Variants in ADAM8 observed in about 807,000 individuals in gnomAD.
The protein encoded by ADAM8 is disintegrin and metalloproteinase domain-containing protein 8.
A neutral mutation model predicts 102.4 loss-of-function variants in ADAM8; 104 were observed. That is an observed-to-expected ratio of 1.02 (90% confidence interval 0.87 to 1.20). ADAM8 has a LOEUF of 1.20. Among genes scored for constraint, ADAM8 ranks in the 50% most tolerant of loss-of-function variants. ADAM8 has a pLI of 0.00. For missense variants in ADAM8, 1,132 were observed against 1,159.0 expected (o/e 0.98, Z 0.34); for synonymous variants, 517 against 485.2 (o/e 1.07, Z -0.86).
chr10:133,273,618 C>T, intron 5 of ADAM8, 144 bp downstream of exon 5: 1 of 1,277,988 alleles, frequency 7.8e-7, no homozygotes, highest in Non-Finnish European at 1.1e-6. Context: ...GGCTTGGCGT[C>T]CCCTGAGCAG....
Position 133,272,435 on chromosome 10 carries a change from C to T in ADAM8, c.856G>A (p.Asp286Asn), listed in dbSNP as rs1341370555. 1 of 1,584,394 alleles carries T rather than the reference C, an allele frequency of 6.3e-7. No individual in the cohort carries two copies. Among genetic ancestry groups the T allele is most frequent in the African/African-American group, 1.4e-5 (1 of 73,262 alleles). The change falls in exon 9 of 23, where the codon GAC becomes AAC. Residue 286 changes from aspartate to asparagine, a missense_variant. Asp to Asn is a conservative substitution (Grantham distance 23). Coordinates refer to ENST00000445355, the MANE Select transcript of ADAM8 (RefSeq NM_001109.5). ...GCTCACGTGATGAGCTGTACGTTGT[C>T]ATGCAGGTGCCGCCGTGTCCGTTGC... The part of the protein sequence containing the change: ...ARQRTRRHLH[D>N]NVQLITGVDF...
rs1460821561 is a variant in ADAM8, at chr10:133,272,436, A to C, written c.855T>G (p.His285Gln). 7 of 1,602,240 alleles carry C rather than the reference A, an allele frequency of 4.4e-6. No homozygotes were observed. The highest frequency in any genetic ancestry group is 5.9e-6 in the Non-Finnish European group (7 of 1,176,950). ...QARQRTRRHL[H>Q]DNVQLITGVD... ...CTCACGTGATGAGCTGTACGTTGTC[A>C]TGCAGGTGCCGCCGTGTCCGTTGCC... is the stretch of plus-strand genomic sequence containing the variant. The change falls in exon 9 of 23, where the codon CAT becomes CAG. Residue 285 changes from histidine (H) to glutamine (Q), a missense_variant. Physicochemically the swap from His to Gln is conservative, Grantham distance 24 (BLOSUM62 0). Transcript: ENST00000445355.
intron 1 of ADAM8, among the ~76,000 whole-genome samples, chr10:133,276,158 G>C (rs1029834249): frequency 6.6e-6 from 1 of 152,206 alleles, no homozygotes; most frequent in African/African-American, 2.4e-5. Flanking sequence ...AATAGTGGAC[G>C]TGTCTCCATG....
chr10:133,263,970 G>A, intron 21 of ADAM8: 1 of 445,020 alleles, frequency 2.2e-6, no homozygotes, highest in Non-Finnish European at 4.0e-6. Flanking sequence ...ATCAGTGGCA[G>A]AACGCCATCC....
intron 2 of ADAM8, among the ~76,000 whole-genome samples, chr10:133,275,166 G>A (rs1276766220): frequency 1.3e-5 from 2 of 152,160 alleles, no homozygotes; most frequent in East Asian, 1.9e-4. Context: ...TCAACTCTGC[G>A]GTGAGCCAGC....
At position 133,271,876 on chromosome 10, in the gene ADAM8, C is replaced by G. The variant is rs749900106; in HGVS notation, c.1036G>C (p.Glu346Gln). The change falls in exon 11 of 23, where the codon GAG (glutamate) becomes CAG (glutamine). Residue 346 changes from glutamate to glutamine, a missense_variant. Coordinates refer to ENST00000445355, the MANE Select transcript of ADAM8 (RefSeq NM_001109.5). Reference sequence around the variant, plus strand: ...TGGCAGCGGCAGCCCTGGACGTTCTCATCATGGTCCATGCCCAGGTTGTGG... The same window carrying G: ...TGGCAGCGGCAGCCCTGGACGTTCTGATCATGGTCCATGCCCAGGTTGTGG... Reference protein sequence around the residue: ...MGHNLGMDHDENVQGCRCQER... With the variant: ...MGHNLGMDHDQNVQGCRCQER... 6.2e-7 allele frequency: 1 copy of G among 1,612,750 alleles called. No homozygotes were observed. The highest frequency in any genetic ancestry group is 1.7e-5 in the Admixed American group (1 of 60,028).
chr10:133,273,475 G>A (rs1257777991), intron 5 of ADAM8, 32 bp from the exon 6 acceptor site: 4 of 1,513,262 alleles, frequency 2.6e-6, no homozygotes, highest in African/African-American at 2.8e-5. Flanking sequence ...TGTGCTGTGG[G>A]CTTCAGAGTG....
chr10:133,270,218 T>G, intron 16 of ADAM8, 142 bp downstream of exon 16: 1 of 1,228,744 alleles, frequency 8.1e-7, no homozygotes, highest in Non-Finnish European at 1.1e-6. Context: ...CCGGAAACCT[T>G]TCAGTCTCTA....
intron 21 of ADAM8, among the ~76,000 whole-genome samples, chr10:133,265,721 C>A (rs546709893): frequency 6.6e-6 from 1 of 152,086 alleles, no homozygotes; most frequent in South Asian, 2.1e-4. Flanking sequence ...TGGCATGAAC[C>A]TGAGAGGCGG....
In ADAM8 at chr10:133,273,775, A is replaced by T. The variant is rs1292949633; in HGVS notation, c.370T>A (p.Cys124Ser). Residue 124 changes from cysteine (C) to serine (S), a missense_variant, in exon 5 of 23, where the codon TGT becomes AGT. By Grantham distance (112) the Cys-to-Ser change is moderately radical (BLOSUM62 -1). Coordinates refer to ENST00000445355, the MANE Select transcript of ADAM8 (RefSeq NM_001109.5). ...CGCCACACCCACCTGAGGCCGGCACAGGTGCTGAGGCTGGCGGCTGAGTCC... is the reference window on the plus strand; with the variant it reads ...CGCCACACCCACCTGAGGCCGGCACTGGTGCTGAGGCTGGCGGCTGAGTCC... ...YPDSAASLST[C>S]AGLRGFFQVG... The T allele has an allele frequency of 1.3e-6, 2 of 1,548,696 alleles. No individual in the cohort carries two copies. The highest frequency in any genetic ancestry group is 1.7e-6 in the Non-Finnish European group (2 of 1,146,772).
chr10:133,273,974 C>A lies in ADAM8; in HGVS notation c.283G>T (p.Val95Leu), dbSNP rs1231808174. 3.1e-6 allele frequency: 5 copies of A among 1,605,470 alleles called. No homozygotes were observed. In the South Asian group the frequency reaches 4.5e-5, roughly 14 times the overall value. ...ETYTAANGSE[V>L]TEQPRGQDHC... ...ACCTGCCCGCGAGGCTGCTCCGTCACCTCGGAGCCATTGGCAGCCGTATAG... is the reference window on the plus strand; with the variant it reads ...ACCTGCCCGCGAGGCTGCTCCGTCAACTCGGAGCCATTGGCAGCCGTATAG... Residue 95 changes from valine (V) to leucine (L), a missense_variant, in exon 4 of 23, where the codon GTG becomes TTG. By Grantham distance (32) the Val-to-Leu change is conservative. Transcript: ENST00000445355.
intron 17 of ADAM8, 78 bp from the exon 18 acceptor site, chr10:133,269,607 G>A (rs748421088): frequency 1.4e-4 from 202 of 1,396,888 alleles, no homozygotes; most frequent in Non-Finnish European, 1.9e-4. Flanking sequence ...CCAGCATGAG[G>A]GCCCCGGGCC....
At position 133,270,409 on chromosome 10, in the gene ADAM8, C is replaced by A. The variant is rs150014036; in HGVS notation, c.1736G>T (p.Gly579Val). 388 of 1,601,216 alleles carry A rather than the reference C, an allele frequency of 2.4e-4. 2 individuals carry two copies. Among genetic ancestry groups the A allele is most frequent in the Non-Finnish European group, 2.7e-4 (319 of 1,170,626 alleles). Residue 579 changes from glycine (G) to valine (V), a missense_variant, in exon 16 of 23, where the codon GGC (glycine) becomes GTC (valine). Gly to Val is a moderately radical substitution (Grantham distance 109). Coordinates refer to ENST00000445355, the MANE Select transcript of ADAM8 (RefSeq NM_001109.5). Reference protein sequence around the residue: ...DVCHALTTEDGTAYEPVPEGT... With the variant: ...DVCHALTTEDVTAYEPVPEGT... ...CTCGGGCACTGGTTCATACGCAGTG[C>A]CATCCTCTGTGGTGAGCGCGTGGCA...
rs1459195189 is a variant in ADAM8 at position 133,272,204 on chromosome 10, C to T, written c.946G>A (p.Ala316Thr). The change falls in exon 10 of 23, where the codon GCT becomes ACT. Residue 316 changes from alanine to threonine, a missense_variant. Physicochemically the swap from Ala to Thr is moderately conservative, Grantham distance 58. Transcript: ENST00000445355. ...VSAMCSHSSG[A>T]VNQDHSKNPV... is the part of the protein sequence containing the mutation. Reference sequence around the variant, plus strand: ...AGGAGCCCCCTCACCTGGTTCACAGCCCCTGAGCTGTGGGAGCACATGGCG... The same window carrying T: ...AGGAGCCCCCTCACCTGGTTCACAGTCCCTGAGCTGTGGGAGCACATGGCG... The T allele has an allele frequency of 4.5e-6, 7 of 1,549,982 alleles. No homozygotes were observed. Among genetic ancestry groups the T allele is most frequent in the African/African-American group, 1.4e-5 (1 of 73,176 alleles).
Position 133,272,188 on chromosome 10 carries a change from C to T in ADAM8, c.957+5G>A. 3 of 1,549,948 alleles carry T rather than the reference C, an allele frequency of 1.9e-6. No individual in the cohort carries two copies. Among genetic ancestry groups the T allele is most frequent in the Non-Finnish European group, 2.6e-6 (3 of 1,146,738 alleles). ...CCTGGCAAACCCGGGCAGGAGCCCC[C>T]TCACCTGGTTCACAGCCCCTGAGCT... is the stretch of plus-strand genomic sequence containing the variant. On this transcript the variant is annotated splice_donor_5th_base_variant and intron_variant, in intron 10 of 22. Transcript: ENST00000445355.
intron 2 of ADAM8, 38 bp from the exon 3 acceptor site, chr10:133,274,273 C>G: frequency 6.7e-7 from 1 of 1,501,662 alleles, no homozygotes; most frequent in South Asian, 1.3e-5. Flanking sequence ...GAGCAGCCTG[C>G]CCGGGCTGTG....
At chr10:133,269,167 G>A (rs908339450) in intron 18 of ADAM8, 72 of 984,376 alleles carry the variant, frequency 7.3e-5, no homozygotes, top group Non-Finnish European at 8.2e-5. Flanking sequence ...GCCCCGGGCC[G>A]AGGAGGGGCT....
At position 133,271,551 on chromosome 10, in the gene ADAM8, G is replaced by T; in HGVS notation, c.1261C>A (p.Gln421Lys). 1 of 1,558,306 alleles carries T rather than the reference G, an allele frequency of 6.4e-7. No individual in the cohort carries two copies. Among genetic ancestry groups the T allele is most frequent in the South Asian group, 1.2e-5 (1 of 84,716 alleles). ...CGNLFVERGEQCDCGPPEDCR... is the reference protein window; with the variant it reads ...CGNLFVERGEKCDCGPPEDCR... Reference sequence around the variant, plus strand: ...ACCTCGGGGGGGCCGCAGTCGCACTGCTCCCCACGCTCCACAAACAGGTTC... The same window carrying T: ...ACCTCGGGGGGGCCGCAGTCGCACTTCTCCCCACGCTCCACAAACAGGTTC... Residue 421 changes from glutamine (Q) to lysine (K), a missense_variant, in exon 12 of 23, where the codon CAG becomes AAG. By Grantham distance (53) the Gln-to-Lys change is moderately conservative. Coordinates refer to ENST00000445355, the MANE Select transcript of ADAM8 (RefSeq NM_001109.5).
At position 133,267,417 on chromosome 10, in the gene ADAM8, G is replaced by T; in HGVS notation, c.2254C>A (p.Pro752Thr). 6 of 1,608,326 alleles carry T rather than the reference G, an allele frequency of 3.7e-6. No homozygotes were observed. The highest frequency in any genetic ancestry group is 5.1e-6 in the Non-Finnish European group (6 of 1,178,512). Residue 752 changes from proline to threonine, a missense_variant and splice_region_variant, in exon 21 of 23, where the codon CCT becomes ACT. By Grantham distance (38) the Pro-to-Thr change is conservative. Transcript: ENST00000445355. The part of the protein sequence containing the change: ...SVALKRPPPA[P>T]PVTVSSPPFP... ...GGTGGGCTGGACACAGTGACCGGAGGCTGGAGGAGACAGGGCCGAGAGCCT... is the reference window on the plus strand; with the variant it reads ...GGTGGGCTGGACACAGTGACCGGAGTCTGGAGGAGACAGGGCCGAGAGCCT...
Sources: allele counts gnomAD v4.1 joint callset (sites outside exome capture counted in the v4.1 genomes callset), GRCh38; gene constraint gnomAD v4.1.1; transcripts MANE v1.5; gene names NCBI Gene and HGNC (gene_info 2026-07-23, HGNC 2026-07-21).